Variants in RAB3C observed in about 807,000 individuals in gnomAD.
The protein encoded by RAB3C is ras-related protein Rab-3C.
A neutral mutation model predicts 26.4 loss-of-function variants in RAB3C; 17 were observed. The ratio of observed to expected loss-of-function variants is 0.64; its 90% CI spans 0.44 to 0.97. The LOEUF is 0.97. Ranked by LOEUF, RAB3C falls within the 50% of genes least tolerant of loss-of-function variation. RAB3C has a pLI of 0.00. For missense variants in RAB3C, 242 were observed against 281.9 expected, an observed-to-expected ratio of 0.86 and a Z score of 1.01; for synonymous variants, 91 against 95.9, an observed-to-expected ratio of 0.95 and a Z score of 0.30.
At chr5:58,700,285 G>T (rs1748814317) in intron 2 of RAB3C, among the ~76,000 whole-genome samples, 1 of 152,146 alleles carries the variant, frequency 6.6e-6, no homozygotes, top group Non-Finnish European at 1.5e-5. Flanking sequence ...TGTTTCATAT[G>T]ATTTAGTTTT....
chr5:58,669,475 C>T (rs908693517), intron 2 of RAB3C, among the ~76,000 whole-genome samples: 1 of 152,086 alleles, frequency 6.6e-6, no homozygotes, highest in Non-Finnish European at 1.5e-5. Context: ...TCCCAACAAC[C>T]TCCGTCAGCC....
chr5:58,588,242 A>G (rs191583961), intron 1 of RAB3C, among the ~76,000 whole-genome samples: 3 of 152,292 alleles, frequency 2.0e-5, no homozygotes, highest in African/African-American at 7.2e-5. Context: ...TTGCTGGAAT[A>G]AATGGTAAGT....
chr5:58,751,243 T>C (rs1741516763), intron 3 of RAB3C, among the ~76,000 whole-genome samples: 1 of 152,226 alleles, frequency 6.6e-6, no homozygotes, highest in South Asian at 2.1e-4. Context: ...ATTTGAATCA[T>C]AGTTATCGCA....
chr5:58,739,676 T>C (rs950507716), intron 3 of RAB3C, among the ~76,000 whole-genome samples: 3 of 152,202 alleles, frequency 2.0e-5, no homozygotes, highest in Non-Finnish European at 4.4e-5. Flanking sequence ...TCACATACTG[T>C]TCCCTTTCTA....
chr5:58,715,395 T>C (rs1437073232), intron 2 of RAB3C, among the ~76,000 whole-genome samples: 3 of 152,064 alleles, frequency 2.0e-5, no homozygotes, highest in African/African-American at 7.2e-5. Flanking sequence ...TGACCTAAGC[T>C]TAAGGAAAGA....
At chr5:58,734,843 A>G (rs1741100946) in intron 3 of RAB3C, among the ~76,000 whole-genome samples, 1 of 152,134 alleles carries the variant, frequency 6.6e-6, no homozygotes, top group African/African-American at 2.4e-5. Context: ...ATGCCCTATA[A>G]AGTTGCCACA....
At chr5:58,610,884 T>C (rs904844308) in intron 1 of RAB3C, among the ~76,000 whole-genome samples, 7 of 152,134 alleles carry the variant, frequency 4.6e-5, no homozygotes, top group African/African-American at 1.7e-4. Flanking sequence ...TAGTTATTTT[T>C]CCTAATCCTC....
intron 3 of RAB3C, among the ~76,000 whole-genome samples, chr5:58,751,341 C>T (rs551445833): frequency 1.3e-5 from 2 of 152,298 alleles, no homozygotes; most frequent in East Asian, 3.9e-4. Context: ...CTTGATGACA[C>T]ATAGTAGGCA....
chr5:58,635,532 G>T (rs1747271438), intron 2 of RAB3C, among the ~76,000 whole-genome samples: 1 of 152,206 alleles, frequency 6.6e-6, no homozygotes, highest in African/African-American at 2.4e-5. Flanking sequence ...GCCAGACGGA[G>T]AATTGTCATC....
intron 2 of RAB3C, among the ~76,000 whole-genome samples, chr5:58,721,642 G>C (rs1353878075): frequency 6.6e-6 from 1 of 151,586 alleles, no homozygotes; most frequent in South Asian, 2.1e-4. Context: ...TTTTCTTCCT[G>C]ATATAACGGA....
chr5:58,627,509 A>C (rs1313280826), intron 2 of RAB3C, among the ~76,000 whole-genome samples: 1 of 69,308 alleles, frequency 1.4e-5, no homozygotes, highest in Non-Finnish European at 2.7e-5. Flanking sequence ...AAAAAAAAAA[A>C]AAAAAAAAAA....
chr5:58,593,452 T>C (rs1167140517), intron 1 of RAB3C, among the ~76,000 whole-genome samples: 1 of 152,200 alleles, frequency 6.6e-6, no homozygotes, highest in Admixed American at 6.5e-5. Context: ...TGATTATCTT[T>C]TGTAGATATT....
At chr5:58,805,091 C>CTCAT (rs1216838151) in intron 3 of RAB3C, among the ~76,000 whole-genome samples, 5 of 151,994 alleles carry the variant, frequency 3.3e-5, no homozygotes, top group East Asian at 1.9e-4. Context: ...CCAAAGTGTA[C>CTCAT]TCATTCATTC....
chr5:58,693,336 G>GTATA (rs61291213), intron 2 of RAB3C, among the ~76,000 whole-genome samples: 3,019 of 111,680 alleles, frequency 0.027, 155 homozygotes, highest in African/African-American at 0.086. Context: ...ATATATATGT[G>GTATA]TATATATATA....
At chr5:58,695,226 A>G (rs996607758) in intron 2 of RAB3C, among the ~76,000 whole-genome samples, 6 of 152,128 alleles carry the variant, frequency 3.9e-5, no homozygotes, top group African/African-American at 1.4e-4. Flanking sequence ...CAAAGATCAG[A>G]TGGTTGTAGA....
At chr5:58,673,100 A>T (rs988542454) in intron 2 of RAB3C, among the ~76,000 whole-genome samples, 3 of 152,072 alleles carry the variant, frequency 2.0e-5, no homozygotes, top group African/African-American at 7.2e-5. Context: ...AATAAAATAC[A>T]CACTTTCAAA....
chr5:58,729,038 C>T (rs1041423005), intron 3 of RAB3C, among the ~76,000 whole-genome samples: 1 of 152,082 alleles, frequency 6.6e-6, no homozygotes, highest in South Asian at 2.1e-4. Flanking sequence ...ATCTCTACCC[C>T]TTTTCCTACC....
At chr5:58,681,859 GA>G (rs992411070) in intron 2 of RAB3C, among the ~76,000 whole-genome samples, 8 of 152,162 alleles carry the variant, frequency 5.3e-5, no homozygotes, top group Non-Finnish European at 2.9e-5. Flanking sequence ...GGTTGATTAG[GA>G]AAATAAGTTA....
intron 2 of RAB3C, among the ~76,000 whole-genome samples, chr5:58,618,325 G>T (rs1345429133): frequency 1.3e-5 from 2 of 152,124 alleles, no homozygotes; most frequent in Non-Finnish European, 2.9e-5. Context: ...CCAAATATAG[G>T]AAAAGTGTAG....
Sources: allele counts gnomAD v4.1 joint callset (sites outside exome capture counted in the v4.1 genomes callset), GRCh38; gene constraint gnomAD v4.1.1; transcripts MANE v1.5; gene names NCBI Gene and HGNC (gene_info 2026-07-23, HGNC 2026-07-21).